Variants in GALNS observed in about 807,000 individuals in gnomAD.
The protein encoded by GALNS is galactosamine (N-acetyl)-6-sulfatase, also known as N-acetylgalactosamine-6-sulfatase.
In GALNS, 65 loss-of-function variants were observed where a neutral mutation model predicts 65.9. The observed-to-expected ratio is 0.99, with a 90% CI of 0.81 to 1.21. The LOEUF is 1.21. Ranked by LOEUF, GALNS falls within the 50% of genes most tolerant of loss-of-function variation. The pLI is 0.00. For missense variants in GALNS, 776 were observed against 700.7 expected, an observed-to-expected ratio of 1.11 and a Z score of -1.21; for synonymous variants, 346 against 288.9, an observed-to-expected ratio of 1.20 and a Z score of -2.00.
Position 88,814,058 on chromosome 16 carries a change from TCCCCAGCCA to T in GALNS, c.*372_*380del. The T allele has an allele frequency of 2.7e-6, 1 of 370,874 alleles. No individual in the cohort carries two copies. Among genetic ancestry groups the T allele is most frequent in the Non-Finnish European group, 5.2e-6 (1 of 192,618 alleles). The allele number at this position is 370,874 out of a possible 1,614,324, so 23.0% of individuals were successfully genotyped here. A position where few individuals can be genotyped will look rare whatever the true frequency, so the allele number is the denominator to read the frequency against. ...CTAAGATGTATAAAGGCAAACTGTA[TCCCCAGCCA>T]CCTCAGGCACCTGTTGTCAGGACCT... is the stretch of plus-strand genomic sequence containing the variant. On this transcript the variant is annotated 3_prime_UTR_variant, in exon 14 of 14. Transcript: ENST00000268695.
chr16:88,823,773 C>T (rs900925256), intron 11 of GALNS, among the ~76,000 whole-genome samples: 7 of 135,602 alleles, frequency 5.2e-5, no homozygotes, highest in Non-Finnish European at 7.8e-5. Flanking sequence ...CCCTCGCAGG[C>T]GGCAATGCCC....
At chr16:88,842,127 TC>T in intron 2 of GALNS, 156 bp from the exon 3 acceptor site, 1 of 732,664 alleles carries the variant, frequency 1.4e-6, no homozygotes, top group South Asian at 1.5e-5. Flanking sequence ...CGTTAGCGTC[TC>T]CACCACCTGG....
intron 2 of GALNS, 65 bp downstream of exon 2, chr16:88,842,641 G>C: frequency 6.3e-7 from 1 of 1,587,042 alleles, no homozygotes; most frequent in Non-Finnish European, 8.6e-7. Context: ...AGGGCTGGAA[G>C]GACCCGGGAG....
chr16:88,856,802 C>T lies in GALNS; in HGVS notation c.76G>A (p.Gly26Ser), dbSNP rs1233873227. The T allele has an allele frequency of 6.5e-7, 1 of 1,541,372 alleles. No homozygotes were observed. Among genetic ancestry groups the T allele is most frequent in the Non-Finnish European group, 8.7e-7 (1 of 1,154,724 alleles). The stretch of plus-strand genomic sequence containing the variant: ...AGGATGTTGGGGGGCTGCGGGGCGC[C>T]CGAGGCCCCCATCCCCGCGGCGCTG... ...VLSAAGMGASGAPQPPNILLL... is the reference protein window; with the variant it reads ...VLSAAGMGASSAPQPPNILLL... The change falls in exon 1 of 14, where the codon GGC becomes AGC. Residue 26 changes from glycine (G) to serine (S), a missense_variant. Gly to Ser is a moderately conservative substitution (Grantham distance 56). Transcript: ENST00000268695.
At chr16:88,849,795 C>T (rs1201182615) in intron 1 of GALNS, among the ~76,000 whole-genome samples, 4 of 152,164 alleles carry the variant, frequency 2.6e-5, no homozygotes, top group African/African-American at 9.7e-5. Context: ...GAAAGGAGGA[C>T]CTAGAGAGAG....
intron 4 of GALNS, among the ~76,000 whole-genome samples, chr16:88,839,814 A>G (rs1966884657): frequency 6.6e-6 from 1 of 151,918 alleles, no homozygotes; most frequent in African/African-American, 2.4e-5. Context: ...ATGGAGACCC[A>G]CTCCCTGTCT....
chr16:88,836,655 A>G (rs991359018), intron 5 of GALNS, among the ~76,000 whole-genome samples: 3 of 151,534 alleles, frequency 2.0e-5, no homozygotes, highest in African/African-American at 7.3e-5. Flanking sequence ...TCCTGTCTCA[A>G]GAAAAAAAAA....
At chr16:88,840,614 G>T in intron 4 of GALNS, 1 of 364,616 alleles carries the variant, frequency 2.7e-6, no homozygotes, top group Non-Finnish European at 5.3e-6. Context: ...CCCTAGGGTG[G>T]ACAGGCAGCT....
intron 9 of GALNS, among the ~76,000 whole-genome samples, chr16:88,827,424 A>G (rs937300746): frequency 3.3e-5 from 5 of 152,152 alleles, no homozygotes; most frequent in African/African-American, 1.2e-4. Flanking sequence ...GGCTTCCCTC[A>G]GTGGCCCTGT....
At position 88,822,601 on chromosome 16, in the gene GALNS, C is replaced by A. The variant is rs779517946; in HGVS notation, c.1352G>T (p.Arg451Met). 1.2e-6 allele frequency: 2 copies of A among 1,612,628 alleles called. No individual in the cohort carries two copies. Among genetic ancestry groups the A allele is most frequent in the Non-Finnish European group, 1.7e-6 (2 of 1,179,732 alleles). The part of the protein sequence containing the change: ...IFHLGRDPGE[R>M]FPLSFASAEY... ...TGCACCGACTCACCTGAGGGGGAAC[C>A]TCTCCCCTGGGTCCCGTCCCAGGTG... The change falls in exon 12 of 14, where the codon AGG (arginine) becomes ATG (methionine). Residue 451 changes from arginine to methionine, a missense_variant. Transcript: ENST00000268695.
chr16:88,847,337 G>GTTC (rs1342984012), intron 1 of GALNS, among the ~76,000 whole-genome samples: 3 of 152,128 alleles, frequency 2.0e-5, no homozygotes, highest in African/African-American at 7.2e-5. Context: ...CGCCACGGCA[G>GTTC]TCCAGCCTAG....
chr16:88,825,252 C>A (rs1462085412), intron 10 of GALNS, among the ~76,000 whole-genome samples: 1 of 85,046 alleles, frequency 1.2e-5, no homozygotes, highest in Non-Finnish European at 2.0e-5. Flanking sequence ...TCTGGGTGGC[C>A]AGGGCTGGGG....
At chr16:88,855,738 C>A in intron 1 of GALNS, 1 of 565,028 alleles carries the variant, frequency 1.8e-6, no homozygotes, top group Non-Finnish European at 3.1e-6. Flanking sequence ...ACTACCAGCA[C>A]CTTCCAATTC....
Position 88,826,830 on chromosome 16 carries a change from G to A in GALNS, c.1011C>T (p.His337=), listed in dbSNP as rs1351007159. The A allele has an allele frequency of 6.3e-7, 1 of 1,580,686 alleles. No homozygotes were observed. The highest frequency in any genetic ancestry group is 1.8e-5 in the Admixed American group (1 of 55,032). Residue 337 remains histidine (H), a synonymous_variant, in exon 10 of 14, where the codon CAC becomes CAT. Coordinates refer to ENST00000268695, the MANE Select transcript of GALNS (RefSeq NM_000512.5). ...PGHVTAGQVS[H]QLGSIMDLFT... is the part of the protein sequence containing the mutation. ...AGAGGTCCATGATGCTGCCCAGCTGGTGGCTCACCTGAAACACATGGCAGC... is the reference window on the plus strand; with the variant it reads ...AGAGGTCCATGATGCTGCCCAGCTGATGGCTCACCTGAAACACATGGCAGC...
chr16:88,833,640 T>C (rs897373478), intron 8 of GALNS, among the ~76,000 whole-genome samples: 5 of 151,848 alleles, frequency 3.3e-5, no homozygotes, highest in Admixed American at 2.6e-4. Context: ...TCAGTAGAGA[T>C]GGGGTTTCAC....
chr16:88,842,940 A>G, intron 1 of GALNS, 111 bp from the exon 2 acceptor site: 1 of 1,539,406 alleles, frequency 6.5e-7, no homozygotes. Context: ...AGCCAGCACC[A>G]CCCTGTGTCC....
chr16:88,853,215 C>T (rs111678597), intron 1 of GALNS, among the ~76,000 whole-genome samples: 2,329 of 123,794 alleles, frequency 0.019, 40 homozygotes, highest in African/African-American at 0.053. Flanking sequence ...CACACCACTG[C>T]AATCCAGCCT....
intron 12 of GALNS, among the ~76,000 whole-genome samples, chr16:88,821,334 T>G (rs1486895283): frequency 2.0e-5 from 3 of 152,126 alleles, no homozygotes; most frequent in Non-Finnish European, 2.9e-5. Context: ...CATGTCTGTG[T>G]CTCCTCCCTC....
chr16:88,821,562 C>T (rs1446401306), intron 12 of GALNS, among the ~76,000 whole-genome samples: 1 of 152,160 alleles, frequency 6.6e-6, no homozygotes, highest in African/African-American at 2.4e-5. Context: ...AGGAAGTGCC[C>T]AAGGGATCCC....
Sources: gnomAD v4.1 joint callset for allele counts (sites outside exome capture counted in the v4.1 genomes callset) on GRCh38, gnomAD v4.1.1 for gene constraint, MANE v1.5 for transcripts, NCBI Gene and HGNC (gene_info 2026-07-23, HGNC 2026-07-21) for gene names.